NLGN4Y: variants seen among roughly 807,000 people sequenced by gnomAD.
NLGN4Y encodes the protein neuroligin 4 Y-linked.
NLGN4Y carries 4 observed loss-of-function variants against 8.4 expected under a neutral mutation model. The observed-to-expected ratio is 0.48, with a 90% confidence interval of 0.23 to 1.09. The LOEUF (loss-of-function observed/expected upper bound fraction) is 1.09, where lower values mean the gene tolerates loss of function less well. NLGN4Y is among the 50% of genes least tolerant of loss of function. The probability of loss-of-function intolerance (pLI) is 0.19; values close to 1 mark genes in which losing one functional copy is unlikely to be tolerated. For missense variants in NLGN4Y, 90 were observed against 192.3 expected (o/e 0.47, Z 3.15); for synonymous variants, 35 against 75.6 (o/e 0.46, Z 2.78).
intron 6 of NLGN4Y, among the ~76,000 whole-genome samples, chrY:14,835,723 G>A: frequency 3.7e-5 from 1 of 26,801 alleles, no homozygotes; most frequent in Non-Finnish European, 8.9e-5. Flanking sequence ...GAAAAAAGAG[G>A]GAATGGAGGA....
At chrY:14,733,439 C>A in intron 4 of NLGN4Y, 1 of 287,851 alleles carries the variant, frequency 3.5e-6, no homozygotes, top group Middle Eastern at 9.2e-4. Flanking sequence ...ATGTGATTTT[C>A]TATTTGTTTT....
intron 2 of NLGN4Y, among the ~76,000 whole-genome samples, chrY:14,625,335 A>G: frequency 3.0e-5 from 1 of 33,171 alleles, no homozygotes; most frequent in Non-Finnish European, 7.4e-5. Flanking sequence ...GCTATGCCAT[A>G]CAAATTTATT....
At position 14,824,253 on chromosome Y, in the gene NLGN4Y, C is replaced by G; in HGVS notation, c.751C>G (p.Leu251Val). 1 of 398,662 alleles carries G rather than the reference C, an allele frequency of 2.5e-6. No homozygotes were observed. The change falls in exon 5 of 7, where the codon CTG becomes GTG. Residue 251 changes from leucine to valine, a missense_variant. Leu to Val is a conservative substitution (Grantham distance 32). Coordinates refer to ENST00000684976, the MANE Select transcript of NLGN4Y (RefSeq NM_001365588.1). ...TGGGCTCCTGGATCAGATTCAAGCACTGAGGTGGATTGAGGAGAATGTCGG... is the reference window on the plus strand; with the variant it reads ...TGGGCTCCTGGATCAGATTCAAGCAGTGAGGTGGATTGAGGAGAATGTCGG... ...NYGLLDQIQA[L>V]RWIEENVGAF...
chrY:14,651,361 G>A (rs2080629131), intron 2 of NLGN4Y, among the ~76,000 whole-genome samples: 1 of 33,164 alleles, frequency 3.0e-5, no homozygotes, highest in African/African-American at 1.2e-4. Context: ...CTTGTAAACT[G>A]GCATAGTTTA....
intron 4 of NLGN4Y, among the ~76,000 whole-genome samples, chrY:14,750,125 G>T: frequency 3.1e-5 from 1 of 32,705 alleles, no homozygotes; most frequent in East Asian, 8.0e-4. Flanking sequence ...CTAGGGAAGT[G>T]TGTCCATTGA....
chrY:14,814,976 G>A, intron 4 of NLGN4Y, among the ~76,000 whole-genome samples: 1 of 32,482 alleles, frequency 3.1e-5, no homozygotes, highest in Non-Finnish European at 7.5e-5. Flanking sequence ...GCACTGATAG[G>A]GTCTGATTTC....
intron 1 of NLGN4Y, among the ~76,000 whole-genome samples, chrY:14,553,459 G>T (rs2150472003): frequency 3.2e-5 from 1 of 30,896 alleles, no homozygotes; most frequent in East Asian, 8.3e-4. Flanking sequence ...AGCTTGTGTA[G>T]CCAAGACCAT....
intron 1 of NLGN4Y, among the ~76,000 whole-genome samples, chrY:14,540,471 C>T (rs1054116131): frequency 3.0e-5 from 1 of 33,267 alleles, no homozygotes; most frequent in Non-Finnish European, 7.4e-5. Flanking sequence ...TGTTCAAGCT[C>T]TGCTAAGGGT....
At chrY:14,565,268 C>T (rs2080247333) in intron 1 of NLGN4Y, among the ~76,000 whole-genome samples, 1 of 31,493 alleles carries the variant, frequency 3.2e-5, no homozygotes, top group South Asian at 7.3e-4. Flanking sequence ...AAGCTAAGAA[C>T]CTTGAAAAAA....
intron 1 of NLGN4Y, among the ~76,000 whole-genome samples, chrY:14,612,038 G>T (rs2080471402): frequency 3.0e-5 from 1 of 33,030 alleles, no homozygotes; most frequent in Non-Finnish European, 7.5e-5. Context: ...TTATTAAGTT[G>T]ATCATCAATC....
chrY:14,637,862 G>T (rs865918308), intron 2 of NLGN4Y, among the ~76,000 whole-genome samples: 222 of 17,388 alleles, frequency 0.013, no homozygotes, highest in Middle Eastern at 0.071. Context: ...TTTTTTTTTT[G>T]TGTGTGTGTG....
chrY:14,614,450 A>C, intron 1 of NLGN4Y, among the ~76,000 whole-genome samples: 2 of 30,430 alleles, frequency 6.6e-5, no homozygotes, highest in East Asian at 1.7e-3. Flanking sequence ...ATTAGATCCC[A>C]TTTGTCTATT....
At chrY:14,784,943 T>C in intron 4 of NLGN4Y, among the ~76,000 whole-genome samples, 2 of 32,634 alleles carry the variant, frequency 6.1e-5, no homozygotes, top group South Asian at 1.4e-3. Context: ...TGAAAACACA[T>C]GGGCACAGAG....
intron 4 of NLGN4Y, among the ~76,000 whole-genome samples, chrY:14,754,637 A>G: frequency 3.0e-5 from 1 of 33,403 alleles, no homozygotes; most frequent in East Asian, 7.9e-4. Context: ...GTCTTCTTGA[A>G]ATGCTGATTT....
chrY:14,666,499 G>A, intron 2 of NLGN4Y, among the ~76,000 whole-genome samples: 1 of 31,576 alleles, frequency 3.2e-5, no homozygotes, highest in Non-Finnish European at 7.7e-5. Flanking sequence ...ACTCACCTTT[G>A]TTACCAATTT....
intron 2 of NLGN4Y, among the ~76,000 whole-genome samples, chrY:14,685,146 GGGACTATCTTGCCTATATGAGTA>G (rs2080785008): frequency 3.0e-5 from 1 of 33,063 alleles, no homozygotes; most frequent in Admixed American, 2.8e-4. Context: ...AGTCGTTTCT[GGGACTATCTTGCCTATATGAGTA>G]TGGGCTACTG....
intron 1 of NLGN4Y, among the ~76,000 whole-genome samples, chrY:14,597,867 G>A (rs2080409134): frequency 6.7e-5 from 2 of 29,766 alleles, no homozygotes; most frequent in African/African-American, 1.3e-4. Context: ...GACTCTCCAC[G>A]TCCTCACCGG....
At chrY:14,576,950 C>T (rs2080301332) in intron 1 of NLGN4Y, among the ~76,000 whole-genome samples, 1 of 33,630 alleles carries the variant, frequency 3.0e-5, no homozygotes, top group Non-Finnish European at 7.4e-5. Context: ...CTTGTCCTTC[C>T]TTCAAAGTTG....
At chrY:14,636,580 G>C in intron 2 of NLGN4Y, among the ~76,000 whole-genome samples, 1 of 33,279 alleles carries the variant, frequency 3.0e-5, no homozygotes, top group Non-Finnish European at 7.4e-5. Flanking sequence ...AGATAATAAT[G>C]GGAACAGATT....
Sources: gnomAD v4.1 joint callset for allele counts (sites outside exome capture counted in the v4.1 genomes callset) on GRCh38, gnomAD v4.1.1 for gene constraint, MANE v1.5 for transcripts, NCBI Gene and HGNC (gene_info 2026-07-23, HGNC 2026-07-21) for gene names.